The following DNM3 variants were observed in gnomAD, a reference collection of about 807,000 sequenced individuals.
DNM3 encodes the protein dynamin 3, also known as dynamin-3.
A neutral mutation model predicts 101.6 loss-of-function variants in DNM3; 47 were observed. The ratio of observed to expected loss-of-function variants is 0.46; its 90% CI spans 0.37 to 0.59. The LOEUF (loss-of-function observed/expected upper bound fraction) is 0.59. DNM3 is among the 20% of genes least tolerant of loss of function. DNM3 has a pLI of 0.00. For synonymous variants in DNM3, 385 were observed against 387.9 expected, an observed-to-expected ratio of 0.99 and a Z score of 0.09; for missense variants, 849 against 1,085.7, an observed-to-expected ratio of 0.78 and a Z score of 3.06.
At chr1:171,968,530 CAGCTAGCACTGG>C (rs1259647337) in intron 2 of DNM3, among the ~76,000 whole-genome samples, 1 of 152,132 alleles carries the variant, frequency 6.6e-6, no homozygotes, top group Non-Finnish European at 1.5e-5. Flanking sequence ...ATTATCATGC[CAGCTAGCACTGG>C]CTTGTTTGGA....
chr1:172,274,513 C>T (rs1366559130), intron 15 of DNM3, among the ~76,000 whole-genome samples: 1 of 152,048 alleles, frequency 6.6e-6, no homozygotes, highest in Non-Finnish European at 1.5e-5. Flanking sequence ...GTAAAGATAT[C>T]ATGCATACCT....
chr1:172,028,716 A>T lies in DNM3; in HGVS notation c.590-3686A>T, dbSNP rs189377830. On this transcript the variant is annotated intron_variant, in intron 4 of 20. Coordinates refer to ENST00000627582, the MANE Select transcript of DNM3 (RefSeq NM_015569.5). Reference sequence around the variant, plus strand: ...AGAATCAAATAGACAATAAAAAATGATAAAGGGGATATCACCACTGATCCC... The same window carrying T: ...AGAATCAAATAGACAATAAAAAATGTTAAAGGGGATATCACCACTGATCCC... Among the ~76,000 whole-genome samples, 314 of 152,340 alleles carry T rather than the reference A, an allele frequency of 2.1e-3. 3 individuals carry two copies. The highest frequency in any genetic ancestry group is 6.7e-3 in the African/African-American group (278 of 41,578).
intron 15 of DNM3, among the ~76,000 whole-genome samples, chr1:172,270,193 A>G (rs2063030750): frequency 6.6e-6 from 1 of 151,886 alleles, no homozygotes; most frequent in African/African-American, 2.4e-5. Context: ...TATTATTAGC[A>G]GTGTTACCAT....
At chr1:172,398,669 C>G (rs917388739) in intron 20 of DNM3, among the ~76,000 whole-genome samples, 1 of 152,174 alleles carries the variant, frequency 6.6e-6, no homozygotes, top group Non-Finnish European at 1.5e-5. Context: ...CGTACAGCCT[C>G]CATGGTCAGT....
At chr1:172,218,858 TA>T (rs1292700532) in intron 14 of DNM3, among the ~76,000 whole-genome samples, 11 of 152,048 alleles carry the variant, frequency 7.2e-5, no homozygotes, top group African/African-American at 2.4e-4. Context: ...AAAGAGAAAT[TA>T]AAAGAAATTT....
At chr1:172,111,596 C>T (rs1350393625) in intron 13 of DNM3, among the ~76,000 whole-genome samples, 2 of 152,198 alleles carry the variant, frequency 1.3e-5, no homozygotes, top group African/African-American at 4.8e-5. Flanking sequence ...AATGGCAGAA[C>T]TGACCTAAAA....
At chr1:172,231,086 T>C (rs542770912) in intron 14 of DNM3, among the ~76,000 whole-genome samples, 2 of 151,788 alleles carry the variant, frequency 1.3e-5, no homozygotes, top group Non-Finnish European at 2.9e-5. Flanking sequence ...ACCATAGTTA[T>C]GTCTCCAACT....
At chr1:172,267,391 A>ATCCC (rs2062905621) in intron 15 of DNM3, among the ~76,000 whole-genome samples, 2 of 152,248 alleles carry the variant, frequency 1.3e-5, no homozygotes, top group Non-Finnish European at 2.9e-5. Context: ...TAGAACTTCA[A>ATCCC]ATGCAAGTGG....
At chr1:172,395,436 G>A (rs2069903493) in intron 20 of DNM3, among the ~76,000 whole-genome samples, 1 of 152,108 alleles carries the variant, frequency 6.6e-6, no homozygotes, top group African/African-American at 2.4e-5. Context: ...CTCCCAGAGT[G>A]CTGGGATTAC....
chr1:172,199,972 G>A (rs1294991357), intron 14 of DNM3, among the ~76,000 whole-genome samples: 1 of 152,112 alleles, frequency 6.6e-6, no homozygotes, highest in African/African-American at 2.4e-5. Flanking sequence ...TTATTACATA[G>A]GCTTGTTTGT....
At chr1:172,239,712 A>G (rs1247917269) in intron 14 of DNM3, among the ~76,000 whole-genome samples, 1 of 150,764 alleles carries the variant, frequency 6.6e-6, no homozygotes, top group Non-Finnish European at 1.5e-5. Context: ...TTTCTCTCTA[A>G]TGATACCTTC....
intron 4 of DNM3, among the ~76,000 whole-genome samples, chr1:172,017,403 A>G (rs1262073333): frequency 6.6e-6 from 1 of 152,040 alleles, no homozygotes; most frequent in African/African-American, 2.4e-5. Context: ...TTGTATTTTC[A>G]TTTAGTTCAA....
chr1:172,371,626 C>T (rs182974758), intron 17 of DNM3, among the ~76,000 whole-genome samples: 1 of 151,812 alleles, frequency 6.6e-6, no homozygotes, highest in Non-Finnish European at 1.5e-5. Context: ...ATTACCTCCA[C>T]TTATAAGCAC....
chr1:172,204,649 CTG>C (rs1004986938), intron 14 of DNM3, among the ~76,000 whole-genome samples: 4 of 152,148 alleles, frequency 2.6e-5, no homozygotes, highest in African/African-American at 9.6e-5. Context: ...CTCAGAGTCC[CTG>C]TGGGTGTATC....
intron 2 of DNM3, among the ~76,000 whole-genome samples, chr1:171,973,779 T>C (rs1369723735): frequency 6.6e-6 from 1 of 151,408 alleles, no homozygotes; most frequent in Non-Finnish European, 1.5e-5. Context: ...TGCTCCCACC[T>C]CAGCCTTCCA....
chr1:171,994,457 G>A lies in DNM3; in HGVS notation c.589+5309G>A, dbSNP rs766941298. Among the ~76,000 whole-genome samples, 104 of 152,132 alleles carry A rather than the reference G, an allele frequency of 6.8e-4. 1 individual carries two copies. The highest frequency in any genetic ancestry group is 6.6e-3 in the Admixed American group (101 of 15,284). On this transcript the variant is annotated intron_variant, in intron 4 of 20. Transcript: ENST00000627582. ...ACCAAAGCTCTCAATGTGCATTTTG[G>A]GGTATGGCTTCAATGCTCAGGCAGA...
intron 10 of DNM3, among the ~76,000 whole-genome samples, chr1:172,052,387 T>C (rs74123790): frequency 2.0e-5 from 3 of 152,166 alleles, no homozygotes; most frequent in Admixed American, 2.0e-4. Context: ...TATAAATATA[T>C]CTATGTCTGT....
chr1:172,358,267 C>T (rs1008403484), intron 17 of DNM3, among the ~76,000 whole-genome samples: 14 of 151,826 alleles, frequency 9.2e-5, no homozygotes, highest in Non-Finnish European at 1.5e-4. Context: ...TGTGTGTGTG[C>T]GTAGGTAAAA....
intron 14 of DNM3, among the ~76,000 whole-genome samples, chr1:172,185,778 G>A (rs1159627928): frequency 2.0e-5 from 3 of 152,072 alleles, no homozygotes; most frequent in Non-Finnish European, 4.4e-5. Flanking sequence ...TTATTTCATA[G>A]CTGGTTTTGA....
Sources: allele counts gnomAD v4.1 joint callset (sites outside exome capture counted in the v4.1 genomes callset), GRCh38; gene constraint gnomAD v4.1.1; transcripts MANE v1.5; gene names NCBI Gene and HGNC (gene_info 2026-07-23, HGNC 2026-07-21).